R3HDML: variants seen among roughly 807,000 people sequenced by gnomAD.
The protein encoded by R3HDML is R3H domain containing like, also known as peptidase inhibitor R3HDML.
In R3HDML, 21 loss-of-function variants were observed where a neutral mutation model predicts 24.2. The observed-to-expected ratio is 0.87, with a 90% CI of 0.62 to 1.25. The LOEUF (loss-of-function observed/expected upper bound fraction) is 1.25. Ranked by LOEUF, R3HDML falls within the 50% of genes most tolerant of loss-of-function variation. The pLI, the probability that R3HDML is intolerant of heterozygous loss-of-function variation, is 0.00. For synonymous variants in R3HDML, 133 were observed against 131.5 expected, an observed-to-expected ratio of 1.01 and a Z score of -0.08; for missense variants, 301 against 340.3, an observed-to-expected ratio of 0.88 and a Z score of 0.91.
At chr20:44,338,134 T>G (rs1213300721) in intron 1 of R3HDML, among the ~76,000 whole-genome samples, 3 of 152,192 alleles carry the variant, frequency 2.0e-5, no homozygotes, top group African/African-American at 7.2e-5. Flanking sequence ...CCAGGGCCAC[T>G]GTCCAAAACC....
In R3HDML at chr20:44,337,266, G is replaced by A. The variant is rs1042417669; in HGVS notation, c.109G>A (p.Glu37Lys). The A allele has an allele frequency of 2.5e-6, 4 of 1,614,172 alleles. No homozygotes were observed. Among genetic ancestry groups the A allele is most frequent in the African/African-American group, 2.7e-5 (2 of 75,070 alleles). Residue 37 changes from glutamate (E) to lysine (K), a missense_variant, in exon 1 of 5, where the codon GAG becomes AAG. Transcript: ENST00000217043. This position sits in a 1 kb window ranked among gnomAD's most constrained non-coding sequence, Gnocchi z 4.7. Reference sequence around the variant, plus strand: ...TGCTACCCCAGCCCCGGCCCAGCCCGAGAGCACGGCTATGCGGCTCCTGAG... The same window carrying A: ...TGCTACCCCAGCCCCGGCCCAGCCCAAGAGCACGGCTATGCGGCTCCTGAG... ...PNATPAPAQP[E>K]STAMRLLSGL...
At chr20:44,338,373 C>G (rs2146107090) in intron 1 of R3HDML, among the ~76,000 whole-genome samples, 1 of 152,238 alleles carries the variant, frequency 6.6e-6, no homozygotes, top group East Asian at 1.9e-4. Context: ...ACGAAGGTGA[C>G]ATTTTAGTGG....
At chr20:44,345,656 T>C (rs1030389090) in intron 4 of R3HDML, among the ~76,000 whole-genome samples, 3 of 151,230 alleles carry the variant, frequency 2.0e-5, no homozygotes, top group African/African-American at 7.3e-5. Context: ...AAAAATTAGC[T>C]GAGTGTCATG....
chr20:44,337,968 G>A lies in R3HDML; in HGVS notation c.261+550G>A, dbSNP rs1305026410. On this transcript the variant is annotated intron_variant, in intron 1 of 4. Coordinates refer to ENST00000217043, the MANE Select transcript of R3HDML (RefSeq NM_178491.4). This position sits in a 1 kb window ranked among gnomAD's most constrained non-coding sequence, Gnocchi z 4.7. ...CCTGGAGGCAGGCTTGGAGCAGTGG[G>A]GACAGGTACTGGGGAATCTCAGGCT... is the stretch of plus-strand genomic sequence containing the variant. Among the ~76,000 whole-genome samples the A allele has an allele frequency of 6.6e-6, 1 of 152,172 alleles. No individual in the cohort carries two copies. The highest frequency in any genetic ancestry group is 1.5e-5 in the Non-Finnish European group (1 of 68,026).
At chr20:44,349,466 G>A (rs968346078) in intron 4 of R3HDML, among the ~76,000 whole-genome samples, 28 of 152,160 alleles carry the variant, frequency 1.8e-4, no homozygotes, top group Non-Finnish European at 2.9e-5. Context: ...TGGACTGACA[G>A]CAGCCGGCAC....
chr20:44,344,154 G>A (rs1193412778), intron 3 of R3HDML, among the ~76,000 whole-genome samples: 1 of 152,092 alleles, frequency 6.6e-6, no homozygotes, highest in Non-Finnish European at 1.5e-5. Flanking sequence ...GGTGGCATGT[G>A]CCTATAATCT....
intron 4 of R3HDML, among the ~76,000 whole-genome samples, chr20:44,350,320 C>T (rs149680887): frequency 6.6e-6 from 1 of 151,660 alleles, no homozygotes. Context: ...TTGAGACCAG[C>T]CTGAGCAGTA....
rs566300198 is a variant in R3HDML, at chr20:44,350,879, C to A, written c.*87C>A. 139 of 1,501,210 alleles carry A rather than the reference C, an allele frequency of 9.3e-5. No homozygotes were observed. The highest frequency in any genetic ancestry group is 1.2e-4 in the Non-Finnish European group (132 of 1,095,028). The allele number at this position is 1,501,210 out of a possible 1,614,324, so 93.0% of individuals were successfully genotyped here. ...AAACTGGGTGGAGAAATAATTGTTT[C>A]TTTAAAGGATATGAGTTAGAATCAC... On this transcript the variant is annotated 3_prime_UTR_variant, in exon 5 of 5. Transcript: ENST00000217043.
chr20:44,345,236 G>GC, intron 3 of R3HDML, 27 bp from the exon 4 acceptor site: 6 of 1,591,052 alleles, frequency 3.8e-6, no homozygotes, highest in Admixed American at 1.7e-5. Flanking sequence ...CCTTCTCATA[G>GC]CCCCCTCTGT....
intron 4 of R3HDML, among the ~76,000 whole-genome samples, chr20:44,348,799 C>A (rs554904414): frequency 6.6e-6 from 1 of 152,156 alleles, no homozygotes; most frequent in Non-Finnish European, 1.5e-5. Flanking sequence ...CAGGCACGAG[C>A]CACCAAGCCC....
intron 4 of R3HDML, among the ~76,000 whole-genome samples, chr20:44,349,137 A>AAAAT (rs1439750290): frequency 3.5e-5 from 5 of 144,556 alleles, no homozygotes; most frequent in African/African-American, 1.1e-4. Context: ...AAAGTAAAAT[A>AAAAT]AAATAAAATA....
At chr20:44,348,471 CT>C (rs1200186080) in intron 4 of R3HDML, among the ~76,000 whole-genome samples, 80 of 122,082 alleles carry the variant, frequency 6.6e-4, no homozygotes, top group Middle Eastern at 3.9e-3. Context: ...CCCCTTTCTC[CT>C]TTTCCCTTTC....
At chr20:44,338,016 G>C (rs2062762383) in intron 1 of R3HDML, among the ~76,000 whole-genome samples, 1 of 152,194 alleles carries the variant, frequency 6.6e-6, no homozygotes, top group African/African-American at 2.4e-5. Context: ...CAGCTGACCA[G>C]CAGAGGAAGC....
chr20:44,343,045 C>T (rs1259832629), intron 2 of R3HDML, among the ~76,000 whole-genome samples: 2 of 152,184 alleles, frequency 1.3e-5, no homozygotes. Flanking sequence ...GCCTTCTCCT[C>T]ACATCTCAGA....
Position 44,351,143 on chromosome 20 carries a change from C to T in R3HDML, c.*351C>T. 5.6e-6 allele frequency: 1 copy of T among 178,474 alleles called. No individual in the cohort carries two copies. The highest frequency in any genetic ancestry group is 1.2e-5 in the Non-Finnish European group (1 of 85,806). 11.1% of individuals were successfully genotyped at this position (178,474 alleles called of 1,614,324 possible). On this transcript the variant is annotated 3_prime_UTR_variant, in exon 5 of 5. Coordinates refer to ENST00000217043, the MANE Select transcript of R3HDML (RefSeq NM_178491.4). ...CCTATAATCCCAGTATTTTGGGAGGCTGAGGTGGGAGAATCACTTGAGTCC... is the reference window on the plus strand; with the variant it reads ...CCTATAATCCCAGTATTTTGGGAGGTTGAGGTGGGAGAATCACTTGAGTCC...
chr20:44,341,995 C>T (rs1358182983), intron 2 of R3HDML, among the ~76,000 whole-genome samples: 1 of 152,200 alleles, frequency 6.6e-6, no homozygotes. Context: ...CACCGCCATT[C>T]TGACTGTCAA....
At chr20:44,339,120 C>G (rs2062765521) in intron 1 of R3HDML, among the ~76,000 whole-genome samples, 1 of 151,910 alleles carries the variant, frequency 6.6e-6, no homozygotes, top group African/African-American at 2.4e-5. Flanking sequence ...TACCTGGACC[C>G]CTCTTTGGAT....
intron 4 of R3HDML, among the ~76,000 whole-genome samples, chr20:44,350,400 T>C (rs1390814681): frequency 6.6e-6 from 1 of 151,894 alleles, no homozygotes; most frequent in Admixed American, 6.6e-5. Context: ...CCTGTAGTCT[T>C]AGCTACTCAG....
chr20:44,345,410 T>A, intron 4 of R3HDML, 32 bp downstream of exon 4: 1 of 1,506,160 alleles, frequency 6.6e-7, no homozygotes, highest in African/African-American at 1.4e-5. Flanking sequence ...AAGAGGGCCC[T>A]GGGGCCGGCG....
Sources: allele counts gnomAD v4.1 joint callset (sites outside exome capture counted in the v4.1 genomes callset), GRCh38; gene constraint gnomAD v4.1.1; non-coding constraint Gnocchi (gnomAD v3.1); transcripts MANE v1.5; gene names NCBI Gene and HGNC (gene_info 2026-07-23, HGNC 2026-07-21).